Variants in ABLIM3 observed in about 807,000 individuals in gnomAD.
The protein encoded by ABLIM3 is actin-binding LIM protein 3.
A neutral mutation model predicts 109.5 loss-of-function variants in ABLIM3; 61 were observed. The observed-to-expected ratio is 0.56, with a 90% CI of 0.45 to 0.69. The LOEUF is 0.69. ABLIM3 is among the 30% of genes least tolerant of loss of function. The pLI is 0.00. For missense variants in ABLIM3, 796 were observed against 889.5 expected (o/e 0.89, Z 1.34); for synonymous variants, 300 against 324.8 (o/e 0.92, Z 0.82).
chr5:149,250,601 TC>T, intron 20 of ABLIM3, 96 bp downstream of exon 20: 1 of 1,426,172 alleles, frequency 7.0e-7, no homozygotes, highest in Non-Finnish European at 9.8e-7. Flanking sequence ...TGAGCAAAGG[TC>T]CTGGGGCTAG....
chr5:149,141,672 T>G lies in ABLIM3; in HGVS notation c.-88+18T>G. On this transcript the variant is annotated intron_variant, in intron 1 of 23. Transcript: ENST00000309868. ...GCCGAGAGGTGGGTTCCGGGGCGGG[T>G]CGCTGCTCCTTGAAGCCGGGCGGGG... 5.5e-6 allele frequency: 1 copy of G among 181,636 alleles called. No homozygotes were observed. The highest frequency in any genetic ancestry group is 1.1e-5 in the Non-Finnish European group (1 of 87,356). 11.3% of individuals were successfully genotyped at this position (181,636 alleles called of 1,614,324 possible).
intron 2 of ABLIM3, among the ~76,000 whole-genome samples, chr5:149,170,222 T>C (rs951694760): frequency 1.2e-4 from 13 of 113,022 alleles, no homozygotes; most frequent in Non-Finnish European, 1.7e-4. Context: ...TCATTCAGGG[T>C]TCTGTTTCTC....
intron 2 of ABLIM3, among the ~76,000 whole-genome samples, chr5:149,162,037 C>T (rs761975067): frequency 7.2e-5 from 11 of 152,086 alleles, no homozygotes; most frequent in Admixed American, 2.6e-4. Flanking sequence ...ATAAAATAGC[C>T]GGAGTGATCC....
rs552358069 is a variant in ABLIM3 at position 149,174,200 on chromosome 5, G to A, written c.14-9252G>A. Among the ~76,000 whole-genome samples, 35 of 151,860 alleles carry A rather than the reference G, an allele frequency of 2.3e-4. No individual in the cohort carries two copies. In the Middle Eastern group the frequency reaches 0.017, roughly 74 times the overall value. On this transcript the variant is annotated intron_variant, in intron 2 of 23. Transcript: ENST00000309868. ...GGTGTCATAGGTTTGCATTCCATGC[G>A]TGGTTTGCAACAGAAACAGTATAAC...
intron 2 of ABLIM3, among the ~76,000 whole-genome samples, chr5:149,167,945 A>AT (rs1561546063): frequency 6.6e-6 from 1 of 152,140 alleles, no homozygotes; most frequent in Non-Finnish European, 1.5e-5. Flanking sequence ...AGCACTGTGA[A>AT]TTTTAGACTA....
rs1661828728 is a variant in ABLIM3, at chr5:149,258,320, A to G, written c.1968A>G (p.Gln656=). ...ERHLSQEEFY[Q]VFGMTISEFD... ...ACCTGTCCCAGGAAGAGTTCTACCA[A>G]GTCTTTGGCATGACCATCTCTGAGT... is the stretch of plus-strand genomic sequence containing the variant. Residue 656 remains glutamine, a synonymous_variant, in exon 24 of 24, where the codon CAA becomes CAG. Transcript: ENST00000309868. 1 of 1,613,870 alleles carries G rather than the reference A, an allele frequency of 6.2e-7. No homozygotes were observed. The highest frequency in any genetic ancestry group is 1.1e-5 in the South Asian group (1 of 91,050).
In ABLIM3 at chr5:149,239,853, C is replaced by T; in HGVS notation, c.1169C>T (p.Thr390Ile). The change falls in exon 13 of 24, where the codon ACC becomes ATC. Residue 390 changes from threonine to isoleucine, a missense_variant. Coordinates refer to ENST00000309868, the MANE Select transcript of ABLIM3 (RefSeq NM_014945.5). ...PTYSRQGMSP[T>I]FSRSPHHYYR... ...TACAGCCGGCAGGGCATGTCCCCCACCTTCTCCCGCTCACCTCACCACTAC... is the reference window on the plus strand; with the variant it reads ...TACAGCCGGCAGGGCATGTCCCCCATCTTCTCCCGCTCACCTCACCACTAC... 1.2e-6 allele frequency: 2 copies of T among 1,610,578 alleles called. No homozygotes were observed. Among genetic ancestry groups the T allele is most frequent in the Admixed American group, 1.7e-5 (1 of 59,660 alleles).
chr5:149,240,438 C>T (rs1752695291), intron 13 of ABLIM3: 2 of 571,974 alleles, frequency 3.5e-6, no homozygotes, highest in Admixed American at 3.0e-5. Flanking sequence ...TTGATCTTTA[C>T]ATCTCACAAA....
intron 8 of ABLIM3, among the ~76,000 whole-genome samples, chr5:149,221,686 T>G (rs1256439723): frequency 2.0e-5 from 3 of 152,226 alleles, no homozygotes; most frequent in Non-Finnish European, 4.4e-5. Context: ...GGAAATTAGG[T>G]CACTCATTTT....
At chr5:149,229,124 G>T (rs1361706346) in intron 8 of ABLIM3, among the ~76,000 whole-genome samples, 1 of 152,136 alleles carries the variant, frequency 6.6e-6, no homozygotes, top group East Asian at 1.9e-4. Flanking sequence ...AGAGGAACCG[G>T]AAACGCTCTC....
chr5:149,186,891 T>A (rs888874441), intron 3 of ABLIM3, among the ~76,000 whole-genome samples: 4 of 151,746 alleles, frequency 2.6e-5, no homozygotes, highest in African/African-American at 9.7e-5. Context: ...TGCAGAAGAT[T>A]TGAAAAGGAA....
chr5:149,168,783 A>T (rs186524599), intron 2 of ABLIM3, among the ~76,000 whole-genome samples: 5 of 152,254 alleles, frequency 3.3e-5, no homozygotes, highest in African/African-American at 1.2e-4. Flanking sequence ...ACACATTAGT[A>T]TCAGATATCA....
At chr5:149,152,763 C>T (rs895849292) in intron 2 of ABLIM3, among the ~76,000 whole-genome samples, 23 of 152,070 alleles carry the variant, frequency 1.5e-4, no homozygotes, top group Non-Finnish European at 4.4e-5. Flanking sequence ...AGCATGAGCT[C>T]TGTATGGGTT....
intron 2 of ABLIM3, among the ~76,000 whole-genome samples, chr5:149,165,729 TCTC>T (rs914552845): frequency 1.3e-4 from 20 of 152,248 alleles, no homozygotes; most frequent in African/African-American, 4.6e-4. Context: ...TCTGATTACT[TCTC>T]CTCCCTTCAC....
chr5:149,154,191 G>A (rs1268365954), intron 2 of ABLIM3, among the ~76,000 whole-genome samples: 3 of 152,206 alleles, frequency 2.0e-5, no homozygotes, highest in Non-Finnish European at 4.4e-5. Context: ...GGCAGCCCAA[G>A]GTCTATTCCT....
At chr5:149,221,264 C>T (rs1191899893) in intron 8 of ABLIM3, among the ~76,000 whole-genome samples, 1 of 152,156 alleles carries the variant, frequency 6.6e-6, no homozygotes, top group East Asian at 1.9e-4. Flanking sequence ...AGAGAGCAAC[C>T]ATATGCCACA....
chr5:149,229,289 A>T (rs2918267), intron 8 of ABLIM3, among the ~76,000 whole-genome samples: 72,581 of 152,096 alleles, frequency 0.48, 17,712 homozygotes, highest in East Asian at 0.59. Flanking sequence ...GTTGAATAAT[A>T]AGGAATACCC....
chr5:149,245,277 C>T (rs1029348814), intron 16 of ABLIM3, among the ~76,000 whole-genome samples: 3 of 152,306 alleles, frequency 2.0e-5, no homozygotes, highest in Non-Finnish European at 2.9e-5. Flanking sequence ...GGAGGTGATG[C>T]GCAGAAGGTA....
intron 3 of ABLIM3, among the ~76,000 whole-genome samples, chr5:149,197,727 A>G (rs933774933): frequency 4.6e-5 from 7 of 152,294 alleles, no homozygotes; most frequent in African/African-American, 1.7e-4. Context: ...TGTTTAACTG[A>G]ATGATTCTTT....
Sources: gnomAD v4.1 joint callset for allele counts (sites outside exome capture counted in the v4.1 genomes callset) on GRCh38, gnomAD v4.1.1 for gene constraint, MANE v1.5 for transcripts, NCBI Gene and HGNC (gene_info 2026-07-23, HGNC 2026-07-21) for gene names.